The following SPINT1 variants were observed in gnomAD, a reference collection of about 807,000 sequenced individuals.
SPINT1 encodes serine peptidase inhibitor, Kunitz type 1.
Under a neutral mutation model 53.7 loss-of-function variants are expected in SPINT1, and 38 were observed. The observed-to-expected ratio is 0.71, with a 90% confidence interval of 0.55 to 0.93. The LOEUF (loss-of-function observed/expected upper bound fraction) is 0.93. SPINT1 is among the 40% of genes least tolerant of loss of function. SPINT1 has a pLI of 0.00. For synonymous variants in SPINT1, 283 were observed against 280.6 expected (o/e 1.01, Z -0.08); for missense variants, 645 against 692.9 (o/e 0.93, Z 0.78).
Position 40,856,089 on chromosome 15 carries a change from A to G in SPINT1, c.1288+27A>G, listed in dbSNP as rs370332127. 8.1e-6 allele frequency: 13 copies of G among 1,612,494 alleles called. No homozygotes were observed. In the African/African-American group the frequency reaches 1.2e-4, roughly 15 times the overall value. ...TGAGTGGGCCAGTGAGAGGGTGGGC[A>G]TGTATGGGGGAAGGCTTAGCCAGTG... On this transcript the variant is annotated intron_variant, in intron 9 of 10. Transcript: ENST00000562057.
intron 2 of SPINT1, among the ~76,000 whole-genome samples, 177 bp from the exon 3 acceptor site, chr15:40,852,947 C>T (rs191108233): frequency 1.3e-5 from 2 of 152,166 alleles, no homozygotes; most frequent in Non-Finnish European, 2.9e-5. Context: ...CATGCTCTCT[C>T]TGAATAGAGA....
Position 40,856,278 on chromosome 15 carries a change from A to G in SPINT1, c.1291A>G (p.Lys431Glu). The change falls in exon 10 of 11, where the codon AAG becomes GAG. Residue 431 changes from lysine to glutamate, a missense_variant and splice_region_variant. Physicochemically the swap from Lys to Glu is moderately conservative, Grantham distance 56. Transcript: ENST00000562057. Reference sequence around the variant, plus strand: ...TCTTTCCCCTCATCATTCTGCAGAGAAGGATGTGTTTGGCCTGAGGCGGGA... The same window carrying G: ...TCTTTCCCCTCATCATTCTGCAGAGGAGGATGTGTTTGGCCTGAGGCGGGA... The part of the protein sequence containing the change: ...CLESCRGISK[K>E]DVFGLRREIP... The G allele has an allele frequency of 6.2e-7, 1 of 1,614,082 alleles. No individual in the cohort carries two copies. The highest frequency in any genetic ancestry group is 2.2e-5 in the East Asian group (1 of 44,870).
At chr15:40,856,195 G>C in intron 9 of SPINT1, 81 bp from the exon 10 acceptor site, 1 of 1,600,562 alleles carries the variant, frequency 6.2e-7, no homozygotes, top group East Asian at 2.2e-5. Context: ...GAGGATGCCA[G>C]TGTGAGGTCT....
chr15:40,845,806 G>A (rs1332383732), intron 2 of SPINT1, among the ~76,000 whole-genome samples: 1 of 152,198 alleles, frequency 6.6e-6, no homozygotes, highest in African/African-American at 2.4e-5. Flanking sequence ...CACTGGTCTG[G>A]GCACACCGAT....
rs376333579 is a variant in SPINT1, at chr15:40,844,720, G to T, written c.166G>T (p.Ala56Ser). 3.5e-5 allele frequency: 57 copies of T among 1,608,818 alleles called. No individual in the cohort carries two copies. Among genetic ancestry groups the T allele is most frequent in the Non-Finnish European group, 4.8e-5 (56 of 1,177,186 alleles). Reference sequence around the variant, plus strand: ...AGCCGACTGCCTGAACAGCTTTACCGCCGGGGTGCCTGGCTTCGTGCTGGA... The same window carrying T: ...AGCCGACTGCCTGAACAGCTTTACCTCCGGGGTGCCTGGCTTCGTGCTGGA... ...AGADCLNSFT[A>S]GVPGFVLDTN... Residue 56 changes from alanine (A) to serine (S), a missense_variant, in exon 2 of 11, where the codon GCC becomes TCC. By Grantham distance (99) the Ala-to-Ser change is moderately conservative (BLOSUM62 1). Transcript: ENST00000562057. The surrounding 1 kb of genome is among the most constrained non-coding windows in gnomAD (Gnocchi z 5.8).
At chr15:40,851,387 T>C (rs1891450566) in intron 2 of SPINT1, among the ~76,000 whole-genome samples, 1 of 152,076 alleles carries the variant, frequency 6.6e-6, no homozygotes, top group Non-Finnish European at 1.5e-5. Flanking sequence ...CTCCTGATCT[T>C]GTGTCTGCCC....
chr15:40,850,706 C>T (rs942673037), intron 2 of SPINT1, among the ~76,000 whole-genome samples: 7 of 152,088 alleles, frequency 4.6e-5, no homozygotes, highest in African/African-American at 1.7e-4. Flanking sequence ...TTGTTTCTCA[C>T]ATCTTTATCT....
At position 40,844,932 on chromosome 15, in the gene SPINT1, C is replaced by G. The variant is rs1300736551; in HGVS notation, c.378C>G (p.Asn126Lys). The G allele has an allele frequency of 1.2e-6, 2 of 1,613,900 alleles. No homozygotes were observed. Among genetic ancestry groups the G allele is most frequent in the Non-Finnish European group, 1.7e-6 (2 of 1,180,058 alleles). ...TCATCAACTGCCTCTACGAGCAGAA[C>G]TTCGTGTGCAAGTTCGCGCCCAGGG... ...CFLINCLYEQ[N>K]FVCKFAPREG... Residue 126 changes from asparagine to lysine, a missense_variant, in exon 2 of 11, where the codon AAC (asparagine) becomes AAG (lysine). Asn to Lys is a moderately conservative substitution (Grantham distance 94). Coordinates refer to ENST00000562057, the MANE Select transcript of SPINT1 (RefSeq NM_003710.4). This position sits in a 1 kb window ranked among gnomAD's most constrained non-coding sequence, Gnocchi z 5.8.
At chr15:40,855,482 G>A (rs1416957090) in intron 8 of SPINT1, among the ~76,000 whole-genome samples, 12 of 152,170 alleles carry the variant, frequency 7.9e-5, no homozygotes, top group Admixed American at 6.5e-4. Flanking sequence ...CCAGCCAGGC[G>A]TGGTGGCTTA....
At position 40,857,179 on chromosome 15, in the gene SPINT1, C is replaced by G. The variant is rs1307710880; in HGVS notation, c.*204C>G. 1.0e-5 allele frequency: 7 copies of G among 698,158 alleles called. No individual in the cohort carries two copies. Among genetic ancestry groups the G allele is most frequent in the Non-Finnish European group, 1.6e-5 (7 of 430,408 alleles). The allele number at this position is 698,158 out of a possible 1,614,324, so 43.2% of individuals were successfully genotyped here. A position where few individuals can be genotyped will look rare whatever the true frequency, so the allele number is the denominator to read the frequency against. ...CAAAGGTTTGGAAGGAGCAGAAAAC[C>G]CTTGGGCCAGAAGTACCAGACTAGA... On this transcript the variant is annotated 3_prime_UTR_variant, in exon 11 of 11. Transcript: ENST00000562057.
intron 2 of SPINT1, 39 bp downstream of exon 2, chr15:40,845,068 C>A: frequency 1.3e-6 from 2 of 1,510,848 alleles, no homozygotes; most frequent in Non-Finnish European, 8.9e-7. Flanking sequence ...TGGAGAGACT[C>A]AAAAAAGGGA....
In SPINT1 at chr15:40,845,155, C is replaced by CT. The variant is rs975533389; in HGVS notation, c.475+135dup. 1.0e-3 allele frequency: 837 copies of CT among 800,726 alleles called. 1 individual carries two copies. The highest frequency in any genetic ancestry group is 2.1e-3 in the South Asian group (101 of 48,600). 49.6% of individuals were successfully genotyped at this position (800,726 alleles called of 1,614,324 possible). On this transcript the variant is annotated intron_variant, in intron 2 of 10. Transcript: ENST00000562057. ...TTCACTTTTTTTTTTCTTTTTCTTT[C>CT]TTTTTTTTTGCGACGGAGTCTCGCT...
intron 5 of SPINT1, 55 bp downstream of exon 5, chr15:40,853,936 G>T (rs896731065): frequency 6.2e-7 from 1 of 1,613,950 alleles, no homozygotes; most frequent in Admixed American, 1.7e-5. Context: ...CAGGGTGAGT[G>T]GTCTCTCTCT....
At chr15:40,845,318 A>ATTTTTTTTTT (rs34480117) in intron 2 of SPINT1, among the ~76,000 whole-genome samples, 2 of 58,200 alleles carry the variant, frequency 3.4e-5, no homozygotes, top group Non-Finnish European at 6.1e-5. Flanking sequence ...GACCCGGCTA[A>ATTTTTTTTTT]TTTTTTTTTT....
chr15:40,853,381 C>G lies in SPINT1; in HGVS notation c.604-108C>G, dbSNP rs570924061. 1.8e-5 allele frequency: 29 copies of G among 1,600,830 alleles called. No individual in the cohort carries two copies. In the African/African-American group the frequency reaches 3.6e-4, roughly 20 times the overall value. On this transcript the variant is annotated intron_variant, in intron 3 of 10. Transcript: ENST00000562057. ...GAGAGAGGCTGAAGATGCATTTAAT[C>G]CAACTCCCCCTGGCCTCCCCAGGGG...
chr15:40,852,991 G>A (rs747186099), intron 2 of SPINT1, 133 bp from the exon 3 acceptor site: 37 of 1,137,980 alleles, frequency 3.3e-5, no homozygotes, highest in African/African-American at 6.2e-5. Context: ...GCTCCCACCC[G>A]CACCCCATGC....
intron 2 of SPINT1, among the ~76,000 whole-genome samples, chr15:40,847,078 G>A (rs1891319357): frequency 6.6e-6 from 1 of 152,236 alleles, no homozygotes; most frequent in South Asian, 2.1e-4. Flanking sequence ...CCATGGTCTT[G>A]AGACCAGCCA....
rs757022193 is a variant in SPINT1 at position 40,856,785 on chromosome 15, C to T, written c.1352C>T (p.Ala451Val). 29 of 1,614,060 alleles carry T rather than the reference C, an allele frequency of 1.8e-5. No homozygotes were observed. The highest frequency in any genetic ancestry group is 2.5e-5 in the Non-Finnish European group (29 of 1,180,046). Residue 451 changes from alanine (A) to valine (V), a missense_variant, in exon 11 of 11, where the codon GCT (alanine) becomes GTT (valine). By Grantham distance (64) the Ala-to-Val change is moderately conservative. Coordinates refer to ENST00000562057, the MANE Select transcript of SPINT1 (RefSeq NM_003710.4). Reference sequence around the variant, plus strand: ...CTTCCCCCAGGCTCTGTGGAGATGGCTGTCGCAGTGTTCCTGGTCATCTGC... The same window carrying T: ...CTTCCCCCAGGCTCTGTGGAGATGGTTGTCGCAGTGTTCCTGGTCATCTGC... Reference protein sequence around the residue: ...PIPSTGSVEMAVAVFLVICIV... With the variant: ...PIPSTGSVEMVVAVFLVICIV...
At chr15:40,851,166 T>C (rs1891443966) in intron 2 of SPINT1, among the ~76,000 whole-genome samples, 1 of 152,016 alleles carries the variant, frequency 6.6e-6, no homozygotes, top group Non-Finnish European at 1.5e-5. Flanking sequence ...TTCTTTTTTT[T>C]TTTTTTTAAA....
Sources: allele counts gnomAD v4.1 joint callset (sites outside exome capture counted in the v4.1 genomes callset), GRCh38; gene constraint gnomAD v4.1.1; non-coding constraint Gnocchi (gnomAD v3.1); transcripts MANE v1.5; gene names NCBI Gene and HGNC (gene_info 2026-07-23, HGNC 2026-07-21).